Variants in PROSER2 observed in about 807,000 individuals in gnomAD.
PROSER2 encodes the protein proline and serine-rich protein 2.
Under a neutral mutation model 14.6 loss-of-function variants are expected in PROSER2, and 18 were observed. The observed-to-expected ratio is 1.23, with a 90% CI of 0.85 to 1.83. PROSER2 has a LOEUF of 1.83. PROSER2 is among the 40% of genes most tolerant of loss of function. The probability of loss-of-function intolerance (pLI) is 0.00; values close to 1 mark genes in which losing one functional copy is unlikely to be tolerated. For synonymous variants in PROSER2, 367 were observed against 286.4 expected, an observed-to-expected ratio of 1.28 and a Z score of -2.84; for missense variants, 823 against 629.8, an observed-to-expected ratio of 1.31 and a Z score of -3.28.
rs907808509 is a variant in PROSER2, at chr10:11,837,918, T to TG, written c.-81-14078dup. 6.6e-6 allele frequency among the ~76,000 whole-genome samples: 1 copy of TG among 152,022 alleles called. No individual in the cohort carries two copies. Among genetic ancestry groups the TG allele is most frequent in the African/African-American group, 2.4e-5 (1 of 41,366 alleles). ...TTTCCTCTTCCTGTTCGTACACCCT[T>TG]GCGGTCTTCGGACTTCCCTCCTGAA... On this transcript the variant is annotated intron_variant, in intron 1 of 3. Transcript: ENST00000277570. This position sits in a 1 kb window ranked among gnomAD's most constrained non-coding sequence, Gnocchi z 4.6.
intron 1 of PROSER2, among the ~76,000 whole-genome samples, chr10:11,845,826 T>C (rs1372246944): frequency 6.6e-6 from 1 of 152,186 alleles, no homozygotes; most frequent in African/African-American, 2.4e-5. Context: ...GATACATTCC[T>C]GCTCCTGAGG....
At position 11,852,197 on chromosome 10, in the gene PROSER2, C is replaced by T. The variant is rs1184744350; in HGVS notation, c.120C>T (p.Arg40=). 6.2e-7 allele frequency: 1 copy of T among 1,610,084 alleles called. No individual in the cohort carries two copies. Among genetic ancestry groups the T allele is most frequent in the Non-Finnish European group, 8.5e-7 (1 of 1,177,976 alleles). The part of the protein sequence containing the change: ...GSLESRSSSS[R]SRSFTLDDES... ...TGGAGAGTCGAAGCAGCAGCTCTCG[C>T]TCCAGAAGCTTCACTTTGGTGAGTG... Residue 40 remains arginine, a synonymous_variant, in exon 2 of 4, where the codon CGC becomes CGT. Coordinates refer to ENST00000277570, the MANE Select transcript of PROSER2 (RefSeq NM_153256.4).
chr10:11,860,166 C>G (rs1834206921), intron 2 of PROSER2, among the ~76,000 whole-genome samples: 2 of 152,230 alleles, frequency 1.3e-5, no homozygotes, highest in African/African-American at 2.4e-5. Context: ...ACTCAGGGCA[C>G]AAGGCCAGAC....
Position 11,870,177 on chromosome 10 carries a change from C to T in PROSER2, c.1079C>T (p.Ala360Val), listed in dbSNP as rs1330873508. ...CTGAAGAGCGCACCCAGCTCCTTCG[C>T]GCCCGCTGGGAAGTCCCTCTGCTTC... ...EALKSAPSSF[A>V]PAGKSLCFRP... is the part of the protein sequence containing the mutation. The change falls in exon 4 of 4, where the codon GCG becomes GTG. Residue 360 changes from alanine to valine, a missense_variant. Ala to Val is a moderately conservative substitution (Grantham distance 64). Coordinates refer to ENST00000277570, the MANE Select transcript of PROSER2 (RefSeq NM_153256.4). 3.4e-6 allele frequency: 5 copies of T among 1,483,008 alleles called. No individual in the cohort carries two copies. The highest frequency in any genetic ancestry group is 1.5e-5 in the African/African-American group (1 of 67,984). 91.9% of individuals were successfully genotyped at this position (1,483,008 alleles called of 1,614,324 possible). A position where few individuals can be genotyped will look rare whatever the true frequency, so the allele number is the denominator to read the frequency against.
Position 11,869,450 on chromosome 10 carries a change from C to T in PROSER2, c.392-40C>T, listed in dbSNP as rs371152460. ...AGGGAACTTCATGCATTTACTTTCA[C>T]GTGGGCCGGTGGCTCACAGGCTCCT... On this transcript the variant is annotated intron_variant, in intron 3 of 3. Transcript: ENST00000277570. This position sits in a 1 kb window ranked among gnomAD's most constrained non-coding sequence, Gnocchi z 4.4. 5.3e-5 allele frequency: 78 copies of T among 1,478,316 alleles called. No individual in the cohort carries two copies. The South Asian group carries it at 7.9e-4, about 15-fold the overall frequency. 91.6% of individuals were successfully genotyped at this position (1,478,316 alleles called of 1,614,324 possible).
intron 1 of PROSER2, among the ~76,000 whole-genome samples, chr10:11,833,213 A>C (rs970010363): frequency 2.1e-5 from 3 of 142,264 alleles, no homozygotes; most frequent in African/African-American, 7.7e-5. Context: ...TTTTGTGACA[A>C]GTATTATACA....
intron 1 of PROSER2, among the ~76,000 whole-genome samples, chr10:11,839,552 C>T (rs1044245035): frequency 4.0e-5 from 6 of 150,420 alleles, no homozygotes; most frequent in East Asian, 1.9e-4. Flanking sequence ...CTTGGCTGGG[C>T]GCGGTGGCTC....
Position 11,848,558 on chromosome 10 carries a change from C to T in PROSER2, c.-81-3439C>T, listed in dbSNP as rs559125282. Among the ~76,000 whole-genome samples the T allele has an allele frequency of 2.6e-5, 4 of 152,158 alleles. No individual in the cohort carries two copies. The South Asian group carries it at 8.3e-4, about 32-fold the overall frequency. On this transcript the variant is annotated intron_variant, in intron 1 of 3. Coordinates refer to ENST00000277570, the MANE Select transcript of PROSER2 (RefSeq NM_153256.4). ...TTCAGGGCCTTCTCTTGGTTCTGCC[C>T]ACCCTTCAGACCATGGCCAGAGTCG... is the stretch of plus-strand genomic sequence containing the variant.
intron 1 of PROSER2, among the ~76,000 whole-genome samples, chr10:11,824,975 G>A (rs773635182): frequency 2.6e-5 from 4 of 152,150 alleles, no homozygotes; most frequent in Non-Finnish European, 5.9e-5. Flanking sequence ...CCTACAGCGC[G>A]CAGAGCCGTG....
chr10:11,871,437 GA>G lies in PROSER2; in HGVS notation c.*1033del, dbSNP rs916857904. ...CAAGTAAGCAAGACTGTTCACTAAA[GA>G]AGGAACTTTTTAGAAAACTAATCTC... On this transcript the variant is annotated 3_prime_UTR_variant, in exon 4 of 4. Transcript: ENST00000277570. 38 of 152,290 alleles carry G rather than the reference GA, an allele frequency of 2.5e-4. No homozygotes were observed. The highest frequency in any genetic ancestry group is 7.9e-4 in the African/African-American group (33 of 41,560). The allele number at this position is 152,290 out of a possible 1,614,324, so 9.4% of individuals were successfully genotyped here. A position where few individuals can be genotyped will look rare whatever the true frequency, so the allele number is the denominator to read the frequency against.
chr10:11,848,788 C>T (rs55890346), intron 1 of PROSER2, among the ~76,000 whole-genome samples: 1 of 152,112 alleles, frequency 6.6e-6, no homozygotes, highest in South Asian at 2.1e-4. Flanking sequence ...CTTTATCCTG[C>T]GCACTTGCCA....
rs999977402 is a variant in PROSER2 at position 11,862,643 on chromosome 10, G to A, written c.139-3888G>A. ...GGGGAGACCTAGGCTGCAATGAGCT[G>A]TGATTGTACCACTGCACTGTAGACT... On this transcript the variant is annotated intron_variant, in intron 2 of 3. Transcript: ENST00000277570. The surrounding 1 kb of genome is among the most constrained non-coding windows in gnomAD (Gnocchi z 4.2). Among the ~76,000 whole-genome samples the A allele has an allele frequency of 1.3e-5, 2 of 152,186 alleles. No individual in the cohort carries two copies. The highest frequency in any genetic ancestry group is 6.5e-5 in the Admixed American group (1 of 15,282).
intron 2 of PROSER2, among the ~76,000 whole-genome samples, chr10:11,858,968 G>GAC (rs1169024239): frequency 7.6e-6 from 1 of 131,600 alleles, no homozygotes; most frequent in Non-Finnish European, 1.6e-5. Context: ...GAGATTGTAT[G>GAC]ACTGCACTCC....
At chr10:11,833,558 G>T (rs1733491720) in intron 1 of PROSER2, among the ~76,000 whole-genome samples, 1 of 152,012 alleles carries the variant, frequency 6.6e-6, no homozygotes, top group African/African-American at 2.4e-5. Context: ...GGGTGTGGTG[G>T]CTGGTGCCTG....
chr10:11,847,400 T>G (rs1833938817), intron 1 of PROSER2, among the ~76,000 whole-genome samples: 1 of 151,486 alleles, frequency 6.6e-6, no homozygotes. Flanking sequence ...GTCCTTATTC[T>G]GTTTTGTTGT....
chr10:11,842,166 G>A (rs1198496381), intron 1 of PROSER2, among the ~76,000 whole-genome samples: 1 of 150,918 alleles, frequency 6.6e-6, no homozygotes, highest in African/African-American at 2.4e-5. Flanking sequence ...AGGTTGTAGT[G>A]AGCTGAGATC....
At chr10:11,840,922 C>CAAA (rs1169517487) in intron 1 of PROSER2, among the ~76,000 whole-genome samples, 25 of 50,406 alleles carry the variant, frequency 5.0e-4, no homozygotes, top group Admixed American at 1.3e-3. Context: ...GAGACTGTCT[C>CAAA]AAAAAAAAAA....
chr10:11,825,683 A>G (rs1011079026), intron 1 of PROSER2, among the ~76,000 whole-genome samples: 4 of 152,158 alleles, frequency 2.6e-5, no homozygotes, highest in Non-Finnish European at 5.9e-5. Flanking sequence ...TTGAAACCTA[A>G]GAGTATTTTA....
intron 1 of PROSER2, chr10:11,850,696 T>C (rs1834002833): frequency 6.6e-6 from 1 of 152,268 alleles, no homozygotes; most frequent in Admixed American, 6.5e-5. Context: ...AAATCTGTTT[T>C]ACAGAGATGT....
Sources: allele counts gnomAD v4.1 joint callset (sites outside exome capture counted in the v4.1 genomes callset), GRCh38; gene constraint gnomAD v4.1.1; non-coding constraint Gnocchi (gnomAD v3.1); transcripts MANE v1.5; gene names NCBI Gene and HGNC (gene_info 2026-07-23, HGNC 2026-07-21).